The following DCX variants were observed in gnomAD, a reference collection of about 807,000 sequenced individuals.
DCX encodes doublecortin.
DCX carries 4 observed loss-of-function variants against 20.9 expected under a neutral mutation model. The ratio of observed to expected loss-of-function variants is 0.19; its 90% confidence interval spans 0.09 to 0.44. The LOEUF is 0.44. Ranked by LOEUF, DCX falls within the 20% of genes least tolerant of loss-of-function variation. DCX has a pLI of 0.99. For missense variants in DCX, 133 were observed against 296.9 expected, an observed-to-expected ratio of 0.45 and a Z score of 4.06; for synonymous variants, 103 against 111.4, an observed-to-expected ratio of 0.92 and a Z score of 0.47.
chrX:111,365,521 A>G (rs963807194), intron 3 of DCX, among the ~76,000 whole-genome samples: 2 of 110,651 alleles, frequency 1.8e-5, no homozygotes, highest in African/African-American at 6.6e-5. Context: ...TTATTTTAAA[A>G]TGTATAATGA....
intron 3 of DCX, among the ~76,000 whole-genome samples, chrX:111,374,028 T>G (rs866609811): frequency 4.5e-5 from 5 of 112,284 alleles, no homozygotes; most frequent in African/African-American, 1.6e-4. Flanking sequence ...ATAACAGCTA[T>G]GGGCTCCCTG....
chrX:111,407,802 GCACACACACACACA>G (rs34206475), intron 2 of DCX, among the ~76,000 whole-genome samples: 4 of 90,283 alleles, frequency 4.4e-5, no homozygotes, highest in South Asian at 6.4e-4. Context: ...ACATCAATAC[GCACACACACACACA>G]CACACACACA....
chrX:111,400,878 T>A (rs1927717080), intron 3 of DCX, 112 bp downstream of exon 3: 2 of 695,645 alleles, frequency 2.9e-6, no homozygotes, highest in East Asian at 3.2e-5. Flanking sequence ...TATCAGGTTG[T>A]GATGATGAGA....
chrX:111,379,424 C>T (rs376188062), intron 3 of DCX, among the ~76,000 whole-genome samples: 16 of 111,511 alleles, frequency 1.4e-4, no homozygotes, highest in Non-Finnish European at 2.6e-4. Context: ...TTTGTTTCTA[C>T]GTATTTGTCT....
At chrX:111,408,385 G>C (rs1464272045) in intron 2 of DCX, among the ~76,000 whole-genome samples, 5 of 110,683 alleles carry the variant, frequency 4.5e-5, no homozygotes, top group Non-Finnish European at 7.5e-5. Context: ...CACTTTGGGA[G>C]GCCAAGGCGG....
intron 5 of DCX, among the ~76,000 whole-genome samples, chrX:111,325,817 C>A (rs915051703): frequency 3.6e-5 from 4 of 111,575 alleles, no homozygotes; most frequent in African/African-American, 1.3e-4. Flanking sequence ...ATTAATTTTG[C>A]CCATTTTTTA....
At chrX:111,310,195 G>A (rs1285887091) in intron 6 of DCX, among the ~76,000 whole-genome samples, 1 of 111,474 alleles carries the variant, frequency 9.0e-6, no homozygotes, top group African/African-American at 3.3e-5. Flanking sequence ...AGCCAGGCGT[G>A]GTGGCTGGTG....
intron 3 of DCX, among the ~76,000 whole-genome samples, chrX:111,346,464 A>T (rs918529154): frequency 8.9e-6 from 1 of 112,687 alleles, no homozygotes. Context: ...AAGGACAAAG[A>T]TTGTGTGATT....
At position 111,295,905 on chromosome X, in the gene DCX, C is replaced by G. The variant is rs1018774488; in HGVS notation, c.*5782G>C. 9.0e-6 allele frequency: 1 copy of G among 111,726 alleles called. No homozygotes were observed. Among genetic ancestry groups the G allele is most frequent in the African/African-American group, 3.3e-5 (1 of 30,714 alleles). The allele number at this position is 111,726 out of a possible 1,213,427, so 9.2% of individuals were successfully genotyped here. Reference sequence around the variant, plus strand: ...GGGCCAGGATCAGGTTGATTCCCACCAACATACTTCTGATTGGACTGGGGT... The same window carrying G: ...GGGCCAGGATCAGGTTGATTCCCACGAACATACTTCTGATTGGACTGGGGT... On this transcript the variant is annotated 3_prime_UTR_variant, in exon 7 of 7. Coordinates refer to ENST00000636035, the MANE Select transcript of DCX (RefSeq NM_001195553.2).
intron 5 of DCX, among the ~76,000 whole-genome samples, chrX:111,314,757 C>T (rs982605433): frequency 8.9e-6 from 1 of 111,753 alleles, no homozygotes; most frequent in Admixed American, 9.5e-5. Context: ...GAATCATTCC[C>T]ATAACAACAC....
At chrX:111,316,244 G>GT (rs2095071749) in intron 5 of DCX, among the ~76,000 whole-genome samples, 1 of 110,163 alleles carries the variant, frequency 9.1e-6, no homozygotes, top group East Asian at 2.9e-4. Context: ...TGTTGTTTTT[G>GT]TTTTTTGAGA....
intron 1 of DCX, chrX:111,411,158 A>C: frequency 2.3e-6 from 1 of 437,621 alleles, no homozygotes; most frequent in Non-Finnish European, 4.0e-6. Context: ...TGGGGGGAAA[A>C]AGGATTAGAA....
rs1050716587 is a variant in DCX at position 111,300,184 on chromosome X, G to T, written c.*1503C>A. The T allele has an allele frequency of 1.8e-5, 2 of 111,882 alleles. No individual in the cohort carries two copies. Among genetic ancestry groups the T allele is most frequent in the East Asian group, 2.8e-4 (1 of 3,562 alleles). 9.2% of individuals were successfully genotyped at this position (111,882 alleles called of 1,213,427 possible). The stretch of plus-strand genomic sequence containing the variant: ...AAGGAAATCTTCATATCTGCTAAAA[G>T]CAAACACAGAATTGGCATGCATGAC... On this transcript the variant is annotated 3_prime_UTR_variant, in exon 7 of 7. Coordinates refer to ENST00000636035, the MANE Select transcript of DCX (RefSeq NM_001195553.2).
intron 1 of DCX, chrX:111,410,707 AGAG>A (rs777255045): frequency 8.7e-7 from 1 of 1,149,899 alleles, no homozygotes; most frequent in Non-Finnish European, 1.2e-6. Context: ...TGTTCCAGAC[AGAG>A]GAGAAGGGGA....
chrX:111,361,418 TAA>T (rs1237059882), intron 3 of DCX, among the ~76,000 whole-genome samples: 6 of 112,236 alleles, frequency 5.3e-5, no homozygotes, highest in Admixed American at 1.9e-4. Flanking sequence ...GGTGATCCCA[TAA>T]AGTTTACTCT....
chrX:111,365,954 C>T (rs1306094684), intron 3 of DCX, among the ~76,000 whole-genome samples: 1 of 111,696 alleles, frequency 9.0e-6, no homozygotes, highest in Non-Finnish European at 1.9e-5. Context: ...GCATCCCGGG[C>T]CTCTACCCAC....
chrX:111,381,858 C>T (rs1162695987), intron 3 of DCX, among the ~76,000 whole-genome samples: 1 of 111,851 alleles, frequency 8.9e-6, no homozygotes, highest in African/African-American at 3.2e-5. Flanking sequence ...ATTTCTAATC[C>T]ATTCTAAAGG....
chrX:111,338,185 C>T (rs868537144), intron 3 of DCX, among the ~76,000 whole-genome samples: 1 of 111,963 alleles, frequency 8.9e-6, no homozygotes, highest in Non-Finnish European at 1.9e-5. Flanking sequence ...GTGCAGAGCA[C>T]AATTAATTGC....
At chrX:111,325,347 C>A (rs746084960) in intron 5 of DCX, among the ~76,000 whole-genome samples, 1 of 111,272 alleles carries the variant, frequency 9.0e-6, no homozygotes, top group South Asian at 3.8e-4. Flanking sequence ...TGGGACACTG[C>A]GAATAATGCT....
Sources: allele counts gnomAD v4.1 joint callset (sites outside exome capture counted in the v4.1 genomes callset), GRCh38; gene constraint gnomAD v4.1.1; transcripts MANE v1.5; gene names NCBI Gene and HGNC (gene_info 2026-07-23, HGNC 2026-07-21).